AFDN: variants seen among roughly 807,000 people sequenced by gnomAD.
The protein encoded by AFDN is afadin.
A neutral mutation model predicts 216.6 loss-of-function variants in AFDN; 68 were observed. The ratio of observed to expected loss-of-function variants is 0.31; its 90% CI spans 0.26 to 0.38. The LOEUF (loss-of-function observed/expected upper bound fraction) is 0.38, where lower values mean the gene tolerates loss of function less well. AFDN is among the 10% of genes least tolerant of loss of function. The pLI, the probability that AFDN is intolerant of heterozygous loss-of-function variation, is 1.00. For synonymous variants in AFDN, 868 were observed against 853.7 expected (o/e 1.02, Z -0.29); for missense variants, 2,136 against 2,342.0 (o/e 0.91, Z 1.82).
At chr6:167,934,354 T>C (rs1254112343) in intron 23 of AFDN, among the ~76,000 whole-genome samples, 1 of 152,176 alleles carries the variant, frequency 6.6e-6, no homozygotes, top group Admixed American at 6.5e-5. Context: ...ACTTCCAAGG[T>C]TGCTGAATGT....
chr6:167,829,229 T>C (rs1452282609), intron 1 of AFDN, among the ~76,000 whole-genome samples: 1 of 152,190 alleles, frequency 6.6e-6, no homozygotes, highest in Non-Finnish European at 1.5e-5. Flanking sequence ...ATATTGGTTT[T>C]TTAGCTTTTT....
chr6:167,906,892 CAT>C (rs945777481), intron 12 of AFDN, among the ~76,000 whole-genome samples: 50 of 152,206 alleles, frequency 3.3e-4, no homozygotes, highest in African/African-American at 1.2e-3. Flanking sequence ...GAAAAATCAT[CAT>C]GTGTGTGTTA....
chr6:167,934,734 T>G (rs908253902), intron 23 of AFDN, among the ~76,000 whole-genome samples: 3 of 152,140 alleles, frequency 2.0e-5, no homozygotes, highest in African/African-American at 7.2e-5. Flanking sequence ...TTTAATGATG[T>G]CTTTATGCTG....
At chr6:167,890,732 G>A in intron 7 of AFDN, 130 bp from the exon 8 acceptor site, 1 of 793,754 alleles carries the variant, frequency 1.3e-6, no homozygotes, top group South Asian at 1.8e-5. Flanking sequence ...GCTGTACACA[G>A]TGATTCCTTG....
intron 1 of AFDN, among the ~76,000 whole-genome samples, chr6:167,850,964 C>T (rs1450987289): frequency 6.6e-6 from 1 of 152,136 alleles, no homozygotes; most frequent in East Asian, 1.9e-4. Flanking sequence ...CCTCTGCCTC[C>T]TGCAAGCGAT....
intron 19 of AFDN, among the ~76,000 whole-genome samples, chr6:167,916,146 C>T (rs1366966821): frequency 1.3e-5 from 2 of 152,154 alleles, no homozygotes; most frequent in Non-Finnish European, 2.9e-5. Flanking sequence ...GTGGTTTGCA[C>T]GCAGTTGGCA....
chr6:167,890,761 C>T (rs1172411644), intron 7 of AFDN, 101 bp from the exon 8 acceptor site: 4 of 1,096,874 alleles, frequency 3.6e-6, no homozygotes, highest in Non-Finnish European at 2.7e-6. Flanking sequence ...TCCTAAATTA[C>T]ATGCATCTTT....
chr6:167,890,672 C>T (rs1386821325), intron 7 of AFDN, among the ~76,000 whole-genome samples, 190 bp from the exon 8 acceptor site: 1 of 151,776 alleles, frequency 6.6e-6, no homozygotes, highest in Non-Finnish European at 1.5e-5. Flanking sequence ...TTTTCAAACA[C>T]ACCAAGAGGC....
intron 12 of AFDN, among the ~76,000 whole-genome samples, chr6:167,902,907 G>A (rs941419076): frequency 7.9e-5 from 12 of 152,198 alleles, no homozygotes; most frequent in Non-Finnish European, 1.6e-4. Context: ...TTGTTTGTTA[G>A]TGATACATAA....
At chr6:167,884,551 G>A (rs1018674432) in intron 6 of AFDN, among the ~76,000 whole-genome samples, 6 of 152,162 alleles carry the variant, frequency 3.9e-5, no homozygotes, top group Non-Finnish European at 8.8e-5. Context: ...TGGGTGACTA[G>A]GTGCCTTGTC....
intron 2 of AFDN, among the ~76,000 whole-genome samples, chr6:167,865,553 C>T (rs1043018727): frequency 6.6e-6 from 1 of 152,160 alleles, no homozygotes; most frequent in African/African-American, 2.4e-5. Context: ...TTTGAGGCTT[C>T]AGTGAGCTAG....
chr6:167,902,053 A>G (rs1171409764), intron 11 of AFDN, among the ~76,000 whole-genome samples: 1 of 149,394 alleles, frequency 6.7e-6, no homozygotes, highest in African/African-American at 2.5e-5. Flanking sequence ...AAATTGTGCT[A>G]CTGTACTCCA....
intron 1 of AFDN, among the ~76,000 whole-genome samples, chr6:167,839,119 C>G (rs996990561): frequency 7.2e-5 from 11 of 152,084 alleles, no homozygotes; most frequent in African/African-American, 2.7e-4. Context: ...AGCTGCTGAA[C>G]AGTAGCTTCT....
intron 11 of AFDN, 136 bp downstream of exon 11, chr6:167,898,603 C>T: frequency 9.4e-7 from 1 of 1,065,790 alleles, no homozygotes; most frequent in Non-Finnish European, 1.3e-6. Flanking sequence ...GATTTTGGTT[C>T]CTATTGTTAA....
At chr6:167,873,244 C>G (rs1472444224) in intron 4 of AFDN, among the ~76,000 whole-genome samples, 1 of 152,146 alleles carries the variant, frequency 6.6e-6, no homozygotes, top group Non-Finnish European at 1.5e-5. Flanking sequence ...GAATCATAAT[C>G]TAGTTTGTTT....
rs1797110825 is a variant in AFDN, at chr6:167,962,302, C to A, written c.4834-131C>A. 1.6e-6 allele frequency: 2 copies of A among 1,258,410 alleles called. No individual in the cohort carries two copies. The highest frequency in any genetic ancestry group is 2.1e-6 in the Non-Finnish European group (2 of 951,622). 78.0% of individuals were successfully genotyped at this position (1,258,410 alleles called of 1,614,324 possible). A position where few individuals can be genotyped will look rare whatever the true frequency, so the allele number is the denominator to read the frequency against. ...TTTATTTTCCAACAGTGATTTTAAC[C>A]TGGTATTTTATATTTAACTTTCTGT... On this transcript the variant is annotated intron_variant, in intron 30 of 33. Coordinates refer to ENST00000683244, the MANE Select transcript of AFDN (RefSeq NM_001386888.1). The surrounding 1 kb of genome is among the most constrained non-coding windows in gnomAD (Gnocchi z 5.2).
intron 6 of AFDN, among the ~76,000 whole-genome samples, chr6:167,884,450 CA>C (rs1786524616): frequency 1.3e-5 from 2 of 152,166 alleles, no homozygotes; most frequent in Non-Finnish European, 2.9e-5. Context: ...ACTTGAAAGT[CA>C]AAATCACTCC....
At position 167,875,627 on chromosome 6, in the gene AFDN, T is replaced by C. The variant is rs550535754; in HGVS notation, c.739+132T>C. On this transcript the variant is annotated intron_variant, in intron 5 of 33. Coordinates refer to ENST00000683244, the MANE Select transcript of AFDN (RefSeq NM_001386888.1). The stretch of plus-strand genomic sequence containing the variant: ...CTTTTCATAACAAATGTGTACCATA[T>C]ACTTCTGGTACAAAATCAGCCTACC... 59 of 901,532 alleles carry C rather than the reference T, an allele frequency of 6.5e-5. 2 individuals are homozygous for C. The highest frequency in any genetic ancestry group is 4.0e-4 in the South Asian group (23 of 57,070). 55.8% of individuals were successfully genotyped at this position (901,532 alleles called of 1,614,324 possible).
chr6:167,872,525 G>A (rs1784903933), intron 4 of AFDN, 148 bp downstream of exon 4: 5 of 847,068 alleles, frequency 5.9e-6, no homozygotes, highest in African/African-American at 1.7e-5. Flanking sequence ...GCTCTTCTGT[G>A]TGGAGGGAGG....
Sources: allele counts gnomAD v4.1 joint callset (sites outside exome capture counted in the v4.1 genomes callset), GRCh38; gene constraint gnomAD v4.1.1; non-coding constraint Gnocchi (gnomAD v3.1); transcripts MANE v1.5; gene names NCBI Gene and HGNC (gene_info 2026-07-23, HGNC 2026-07-21).